Variants in CNOT10 observed in about 807,000 individuals in gnomAD.
CNOT10 encodes CCR4-NOT transcription complex subunit 10.
In CNOT10, 30 loss-of-function variants were observed where a neutral mutation model predicts 94.6. The ratio of observed to expected loss-of-function variants is 0.32; its 90% confidence interval spans 0.24 to 0.43. CNOT10 has a LOEUF of 0.43. CNOT10 is among the 20% of genes least tolerant of loss of function. The probability of loss-of-function intolerance (pLI) is 1.00; values close to 1 mark genes in which losing one functional copy is unlikely to be tolerated. For missense variants in CNOT10, 759 were observed against 877.2 expected (o/e 0.87, Z 1.70); for synonymous variants, 289 against 301.6 (o/e 0.96, Z 0.43).
chr3:32,688,372 G>T (rs1298864094), intron 1 of CNOT10, among the ~76,000 whole-genome samples: 1 of 152,062 alleles, frequency 6.6e-6, no homozygotes, highest in African/African-American at 2.4e-5. Context: ...GCTGAGGGGG[G>T]TGGATCACCT....
chr3:32,725,354 AAC>A, intron 8 of CNOT10, 94 bp from the exon 9 acceptor site: 1 of 891,676 alleles, frequency 1.1e-6, no homozygotes, highest in Non-Finnish European at 1.9e-6. Flanking sequence ...GTGGAATGGT[AAC>A]AGTGTTAACT....
intron 13 of CNOT10, among the ~76,000 whole-genome samples, chr3:32,741,878 CAAT>C (rs1699483804): frequency 6.6e-6 from 1 of 151,706 alleles, no homozygotes; most frequent in South Asian, 2.1e-4. Flanking sequence ...TTCTTTACCA[CAAT>C]ATTTCTTATT....
intron 17 of CNOT10, among the ~76,000 whole-genome samples, chr3:32,767,411 C>T (rs1700689672): frequency 6.7e-6 from 1 of 148,364 alleles, no homozygotes; most frequent in South Asian, 2.2e-4. Flanking sequence ...CCCAGATACT[C>T]GGGAGGCTGA....
chr3:32,734,307 CAG>C (rs1699085118), intron 11 of CNOT10, among the ~76,000 whole-genome samples: 1 of 152,126 alleles, frequency 6.6e-6, no homozygotes, highest in Admixed American at 6.5e-5. Context: ...ATCAAACCAA[CAG>C]AAAGTTGTAT....
intron 4 of CNOT10, among the ~76,000 whole-genome samples, chr3:32,709,056 A>T (rs1353345059): frequency 6.6e-6 from 1 of 152,218 alleles, no homozygotes; most frequent in East Asian, 1.9e-4. Context: ...TGCTGAAAAC[A>T]CTTAGTGATG....
chr3:32,705,918 T>C (rs960634222), intron 3 of CNOT10, among the ~76,000 whole-genome samples: 3 of 152,302 alleles, frequency 2.0e-5, no homozygotes, highest in East Asian at 1.9e-4. Flanking sequence ...ATAGCTACCA[T>C]TTATTGAATG....
intron 5 of CNOT10, 173 bp from the exon 6 acceptor site, chr3:32,716,052 C>T (rs1208956146): frequency 9.0e-6 from 4 of 444,198 alleles, no homozygotes; most frequent in African/African-American, 4.1e-5. Flanking sequence ...AGCGATCCGC[C>T]CGCCTCTGCC....
At chr3:32,757,169 A>ATTTTT (rs1700257010) in intron 13 of CNOT10, among the ~76,000 whole-genome samples, 1 of 63,406 alleles carries the variant, frequency 1.6e-5, no homozygotes, top group African/African-American at 5.7e-5. Flanking sequence ...GCCCTGAACT[A>ATTTTT]ATTTTTTTTT....
rs1169645449 is a variant in CNOT10 at position 32,745,389 on chromosome 3, A to G, written c.1595+7899A>G. On this transcript the variant is annotated intron_variant, in intron 13 of 18. Coordinates refer to ENST00000328834, the MANE Select transcript of CNOT10 (RefSeq NM_015442.3). ...TGGATTCCAAGCACCAACTGTACAC[A>G]TAATGACACTTTTAGAAATTTGCTT... is the stretch of plus-strand genomic sequence containing the variant. Among the ~76,000 whole-genome samples the G allele has an allele frequency of 3.9e-5, 6 of 152,280 alleles. No homozygotes were observed. The East Asian group carries it at 1.2e-3, about 29-fold the overall frequency.
chr3:32,695,161 C>T (rs1328548031), intron 1 of CNOT10, among the ~76,000 whole-genome samples: 2 of 152,136 alleles, frequency 1.3e-5, no homozygotes, highest in Non-Finnish European at 2.9e-5. Context: ...TTCTCCAGCT[C>T]CTCTTGTCCA....
chr3:32,690,843 A>T (rs1291940671), intron 1 of CNOT10, among the ~76,000 whole-genome samples: 2 of 151,890 alleles, frequency 1.3e-5, no homozygotes, highest in Non-Finnish European at 2.9e-5. Context: ...CACCGCGCCC[A>T]GACTTATTTG....
chr3:32,753,330 A>G (rs1486838102), intron 13 of CNOT10: 8 of 1,124,010 alleles, frequency 7.1e-6, no homozygotes, highest in Middle Eastern at 4.9e-4. Context: ...AAAATCAGGT[A>G]TGACTGGTAT....
chr3:32,711,818 A>ATT (rs1170478176), intron 4 of CNOT10, among the ~76,000 whole-genome samples: 8 of 152,174 alleles, frequency 5.3e-5, no homozygotes, highest in African/African-American at 1.9e-4. Context: ...TAAAGTCAGA[A>ATT]TTAGCCACGG....
intron 13 of CNOT10, among the ~76,000 whole-genome samples, chr3:32,743,685 C>A (rs1699575465): frequency 6.6e-6 from 1 of 152,082 alleles, no homozygotes; most frequent in African/African-American, 2.4e-5. Context: ...GGTTAAACAT[C>A]TGCAGAGTTG....
chr3:32,705,013 G>T, intron 3 of CNOT10, 41 bp downstream of exon 3: 1 of 1,304,646 alleles, frequency 7.7e-7, no homozygotes, highest in Non-Finnish European at 1.0e-6. Flanking sequence ...ATATTGTTCT[G>T]TTCTTTAATT....
At chr3:32,724,490 G>A (rs1395340307) in intron 8 of CNOT10, among the ~76,000 whole-genome samples, 1 of 148,192 alleles carries the variant, frequency 6.7e-6, no homozygotes, top group Non-Finnish European at 1.5e-5. Context: ...TCGGCTTACT[G>A]CAAGCTCTGC....
At chr3:32,733,802 A>G (rs1444455032) in intron 11 of CNOT10, among the ~76,000 whole-genome samples, 1 of 152,182 alleles carries the variant, frequency 6.6e-6, no homozygotes, top group Non-Finnish European at 1.5e-5. Flanking sequence ...CAGTGCCATT[A>G]TTAAGAATGT....
In CNOT10 at chr3:32,710,079, C is replaced by T. The variant is rs138685959; in HGVS notation, c.430+1259C>T. ...GGAGGATCACTTGAACCCGAGAGGC[C>T]GAGGTTGCAGTGAGCCAAGATTGCA... On this transcript the variant is annotated intron_variant, in intron 4 of 18. Coordinates refer to ENST00000328834, the MANE Select transcript of CNOT10 (RefSeq NM_015442.3). Among the ~76,000 whole-genome samples, 66 of 148,806 alleles carry T rather than the reference C, an allele frequency of 4.4e-4. 3 individuals are homozygous for T. In the East Asian group the frequency reaches 0.012, roughly 26 times the overall value.
intron 1 of CNOT10, chr3:32,695,769 C>T (rs753476707): frequency 2.1e-5 from 32 of 1,535,598 alleles, no homozygotes; most frequent in African/African-American, 8.2e-5. Flanking sequence ...CAATTGGCAA[C>T]GGAGACTACT....
Sources: gnomAD v4.1 joint callset for allele counts (sites outside exome capture counted in the v4.1 genomes callset) on GRCh38, gnomAD v4.1.1 for gene constraint, MANE v1.5 for transcripts, NCBI Gene and HGNC (gene_info 2026-07-23, HGNC 2026-07-21) for gene names.